The following CTNNA3 variants were observed in gnomAD, a reference collection of about 807,000 sequenced individuals.
CTNNA3 encodes the protein catenin alpha-3.
A neutral mutation model predicts 95.7 loss-of-function variants in CTNNA3; 76 were observed. That is an observed-to-expected ratio of 0.79 (90% CI 0.66 to 0.96). The LOEUF is 0.96. Among genes scored for constraint, CTNNA3 ranks in the 40% least tolerant of loss-of-function variants. The probability of loss-of-function intolerance (pLI) is 0.00; values close to 1 mark genes in which losing one functional copy is unlikely to be tolerated. For synonymous variants in CTNNA3, 431 were observed against 374.4 expected (o/e 1.15, Z -1.74); for missense variants, 1,191 against 1,089.8 (o/e 1.09, Z -1.31).
At chr10:67,237,169 T>TATATATATATATATATAC (rs1865522839) in intron 5 of CTNNA3, among the ~76,000 whole-genome samples, 1 of 117,646 alleles carries the variant, frequency 8.5e-6, no homozygotes, top group African/African-American at 3.2e-5. Context: ...TATATATATA[T>TATATATATATATATATAC]ATATACACAC....
chr10:66,725,001 T>C (rs1395269310), intron 9 of CTNNA3, among the ~76,000 whole-genome samples: 1 of 152,162 alleles, frequency 6.6e-6, no homozygotes, highest in African/African-American at 2.4e-5. Flanking sequence ...TAAAATGATG[T>C]AGTATATGCA....
At position 66,220,135 on chromosome 10, in the gene CTNNA3, TAAG is replaced by T. The variant is rs560768789; in HGVS notation, c.1884+60332_1884+60334del. Reference sequence around the variant, plus strand: ...GAGACTCGGTCTCAAAAAATAATAATAAGAAGAAGAATAAAGATATCCACAAAC... The same window carrying T: ...GAGACTCGGTCTCAAAAAATAATAATAAGAAGAATAAAGATATCCACAAAC... On this transcript the variant is annotated intron_variant, in intron 13 of 17. Coordinates refer to ENST00000433211, the MANE Select transcript of CTNNA3 (RefSeq NM_013266.4). Among the ~76,000 whole-genome samples the T allele has an allele frequency of 8.9e-4, 135 of 151,444 alleles. 1 individual carries two copies. Among genetic ancestry groups the T allele is most frequent in the Non-Finnish European group, 1.5e-3 (103 of 67,898 alleles).
At chr10:66,130,637 G>C (rs2083045499) in intron 13 of CTNNA3, among the ~76,000 whole-genome samples, 1 of 151,968 alleles carries the variant, frequency 6.6e-6, no homozygotes, top group Non-Finnish European at 1.5e-5. Flanking sequence ...GAGGTCTCGA[G>C]TTCGAGACCA....
intron 7 of CTNNA3, among the ~76,000 whole-genome samples, chr10:66,840,370 TCTCACACA>T (rs1232372010): frequency 0.017 from 1,295 of 74,606 alleles, 3 homozygotes; most frequent in African/African-American, 0.079. Context: ...TCTCTCTCTC[TCTCACACA>T]CACACACACA....
chr10:66,723,582 A>T (rs1381908802), intron 9 of CTNNA3, among the ~76,000 whole-genome samples: 1 of 152,236 alleles, frequency 6.6e-6, no homozygotes, highest in Non-Finnish European at 1.5e-5. Context: ...GAATCCCAGC[A>T]GGGACTAGAA....
intron 1 of CTNNA3, 125 bp from the exon 2 acceptor site, chr10:67,647,643 C>G (rs1839758546): frequency 1.5e-6 from 1 of 651,500 alleles, no homozygotes; most frequent in Admixed American, 2.8e-5. Context: ...AACCATAGCC[C>G]TCAGAGGACC....
chr10:66,737,493 GAT>G lies in CTNNA3; in HGVS notation c.1281+28769_1281+28770del, dbSNP rs1453737557. On this transcript the variant is annotated intron_variant, in intron 9 of 17. Transcript: ENST00000433211. ...GATTATTCAAAAATGATTCATCAAT[GAT>G]ATATGTTTTGAATCCTTTACAATTT... 2.0e-5 allele frequency among the ~76,000 whole-genome samples: 3 copies of G among 152,076 alleles called. No homozygotes were observed. In the East Asian group the frequency reaches 5.8e-4, roughly 29 times the overall value.
intron 10 of CTNNA3, among the ~76,000 whole-genome samples, chr10:66,534,357 T>A (rs1334116442): frequency 6.6e-6 from 1 of 151,970 alleles, no homozygotes; most frequent in Non-Finnish European, 1.5e-5. Flanking sequence ...ACAAAGTTCT[T>A]TATTACCAGT....
intron 7 of CTNNA3, among the ~76,000 whole-genome samples, chr10:66,953,521 G>T (rs1848642848): frequency 6.6e-6 from 1 of 152,036 alleles, no homozygotes; most frequent in South Asian, 2.1e-4. Context: ...CTTCCAGAAA[G>T]ACTCTTTGCT....
At chr10:66,045,508 T>C (rs1013327652) in intron 15 of CTNNA3, among the ~76,000 whole-genome samples, 107 of 152,172 alleles carry the variant, frequency 7.0e-4, no homozygotes, top group African/African-American at 2.5e-3. Context: ...TAGAAATATA[T>C]TTATTTACTT....
At chr10:66,926,831 T>A (rs558810483) in intron 7 of CTNNA3, 100 of 1,218,962 alleles carry the variant, frequency 8.2e-5, no homozygotes, top group African/African-American at 1.5e-4. Flanking sequence ...TTTAAATTTT[T>A]AAAAATGAAA....
intron 15 of CTNNA3, among the ~76,000 whole-genome samples, chr10:66,014,490 A>T (rs2079058442): frequency 6.6e-6 from 1 of 152,146 alleles, no homozygotes; most frequent in South Asian, 2.1e-4. Flanking sequence ...AAAAGTTCCC[A>T]ATTTATTTCC....
chr10:66,107,582 A>G (rs1365461103), intron 13 of CTNNA3, among the ~76,000 whole-genome samples: 1 of 152,184 alleles, frequency 6.6e-6, no homozygotes, highest in Non-Finnish European at 1.5e-5. Flanking sequence ...CAGCAATGAC[A>G]TAGTAGTAAT....
intron 12 of CTNNA3, among the ~76,000 whole-genome samples, chr10:66,370,440 A>G (rs1198173475): frequency 6.6e-6 from 1 of 152,164 alleles, no homozygotes; most frequent in Non-Finnish European, 1.5e-5. Flanking sequence ...ACACTATGTT[A>G]TGGTTTATAA....
intron 13 of CTNNA3, among the ~76,000 whole-genome samples, chr10:66,209,800 A>T (rs1201599036): frequency 6.6e-6 from 1 of 152,150 alleles, no homozygotes; most frequent in African/African-American, 2.4e-5. Flanking sequence ...AAACTTTAGC[A>T]TGTGTTTCTC....
chr10:66,238,284 A>G (rs1471948761), intron 13 of CTNNA3, among the ~76,000 whole-genome samples: 1 of 152,010 alleles, frequency 6.6e-6, no homozygotes, highest in East Asian at 1.9e-4. Context: ...GAAAGAAGGG[A>G]TCTTTAATGA....
intron 5 of CTNNA3, among the ~76,000 whole-genome samples, chr10:67,291,733 A>G (rs1236521809): frequency 1.3e-5 from 2 of 152,192 alleles, no homozygotes; most frequent in Non-Finnish European, 2.9e-5. Flanking sequence ...ATATTACTGT[A>G]ACCTCTTCAC....
At chr10:66,621,316 T>C (rs1184127922) in intron 10 of CTNNA3, among the ~76,000 whole-genome samples, 1 of 152,096 alleles carries the variant, frequency 6.6e-6, no homozygotes, top group Non-Finnish European at 1.5e-5. Flanking sequence ...GACAATTCTG[T>C]CTTCCATGCT....
intron 9 of CTNNA3, among the ~76,000 whole-genome samples, chr10:66,622,774 G>C (rs9664633): frequency 0.33 from 50,571 of 151,908 alleles, 8,842 homozygotes; most frequent in Middle Eastern, 0.5. Flanking sequence ...GAGAAACTAC[G>C]CATTAGCCAC....
Sources: gnomAD v4.1 joint callset for allele counts (sites outside exome capture counted in the v4.1 genomes callset) on GRCh38, gnomAD v4.1.1 for gene constraint, MANE v1.5 for transcripts, NCBI Gene and HGNC (gene_info 2026-07-23, HGNC 2026-07-21) for gene names.